SEC22A: variants seen among roughly 807,000 people sequenced by gnomAD.
SEC22A encodes vesicle-trafficking protein SEC22a.
A neutral mutation model predicts 35.3 loss-of-function variants in SEC22A; 22 were observed. That is an observed-to-expected ratio of 0.62 (90% CI 0.45 to 0.89). The LOEUF is 0.89. Among genes scored for constraint, SEC22A ranks in the 40% least tolerant of loss-of-function variants. The pLI, the probability that SEC22A is intolerant of heterozygous loss-of-function variation, is 0.00. For missense variants in SEC22A, 354 were observed against 362.5 expected, an observed-to-expected ratio of 0.98 and a Z score of 0.19; for synonymous variants, 119 against 129.5, an observed-to-expected ratio of 0.92 and a Z score of 0.55.
At chr3:123,259,667 T>G (rs1022834620) in intron 6 of SEC22A, 78 bp downstream of exon 6, 1 of 972,032 alleles carries the variant, frequency 1.0e-6, no homozygotes, top group Non-Finnish European at 1.6e-6. Context: ...TTGTGCATTT[T>G]AAATAAATTA....
chr3:123,238,188 A>G (rs926862163), intron 4 of SEC22A, among the ~76,000 whole-genome samples: 3 of 151,910 alleles, frequency 2.0e-5, no homozygotes, highest in Non-Finnish European at 4.4e-5. Flanking sequence ...CACAACTAGA[A>G]TTTATTTTAT....
rs933265136 is a variant in SEC22A at position 123,242,996 on chromosome 3, C to G, written c.542-2903C>G. ...GAGAATCTTGTTCTTCAGTGGTTCC[C>G]CATTGTCTAATTTTCCATAATTCTT... On this transcript the variant is annotated intron_variant, in intron 4 of 6. Coordinates refer to ENST00000492595, the MANE Select transcript of SEC22A (RefSeq NM_012430.5). 3.3e-5 allele frequency among the ~76,000 whole-genome samples: 5 copies of G among 152,098 alleles called. 1 individual carries two copies. In the South Asian group the frequency reaches 1.0e-3, roughly 32 times the overall value.
At chr3:123,270,603 T>C (rs1559766760) in intron 6 of SEC22A, among the ~76,000 whole-genome samples, 1 of 152,110 alleles carries the variant, frequency 6.6e-6, no homozygotes, top group Non-Finnish European at 1.5e-5. Flanking sequence ...GATAAATGAG[T>C]AAATAACAGT....
intron 1 of SEC22A, among the ~76,000 whole-genome samples, chr3:123,205,971 T>TA (rs1365180911): frequency 3.3e-5 from 5 of 152,222 alleles, no homozygotes; most frequent in African/African-American, 1.2e-4. Context: ...GCATGGATCA[T>TA]ATATTTATTG....
At chr3:123,221,470 CAA>C (rs56800842) in intron 2 of SEC22A, among the ~76,000 whole-genome samples, 13,453 of 58,882 alleles carry the variant, frequency 0.23, 284 homozygotes, top group Middle Eastern at 0.32. Context: ...GAGTCCATCT[CAA>C]AAAAAAAAAA....
At chr3:123,254,135 C>T (rs1937668639) in intron 5 of SEC22A, among the ~76,000 whole-genome samples, 1 of 151,790 alleles carries the variant, frequency 6.6e-6, no homozygotes, top group Non-Finnish European at 1.5e-5. Flanking sequence ...TAATAGTATC[C>T]TCCTAATACA....
At chr3:123,253,722 A>G (rs919883321) in intron 5 of SEC22A, among the ~76,000 whole-genome samples, 1 of 151,432 alleles carries the variant, frequency 6.6e-6, no homozygotes, top group African/African-American at 2.4e-5. Context: ...CAAAAAAAAA[A>G]AAAAAAAGAA....
At position 123,271,806 on chromosome 3, in the gene SEC22A, C is replaced by A; in HGVS notation, c.*84C>A. ...ACTGCACTGTGATGAAGAAGCTGTT[C>A]CCCACAGAGGAGAAGCTCTGCTTTC... is the stretch of plus-strand genomic sequence containing the variant. On this transcript the variant is annotated 3_prime_UTR_variant, in exon 7 of 7. Coordinates refer to ENST00000492595, the MANE Select transcript of SEC22A (RefSeq NM_012430.5). 8.8e-7 allele frequency: 1 copy of A among 1,137,344 alleles called. No individual in the cohort carries two copies. The highest frequency in any genetic ancestry group is 1.3e-6 in the Non-Finnish European group (1 of 780,468). 70.5% of individuals were successfully genotyped at this position (1,137,344 alleles called of 1,614,324 possible). A position where few individuals can be genotyped will look rare whatever the true frequency, so the allele number is the denominator to read the frequency against.
At chr3:123,215,208 A>G (rs1420062990) in intron 2 of SEC22A, among the ~76,000 whole-genome samples, 1 of 152,170 alleles carries the variant, frequency 6.6e-6, no homozygotes, top group Non-Finnish European at 1.5e-5. Context: ...CTTAAGGAAA[A>G]ATGGGTATTT....
At chr3:123,263,339 C>T (rs1247981188) in intron 6 of SEC22A, among the ~76,000 whole-genome samples, 1 of 152,218 alleles carries the variant, frequency 6.6e-6, no homozygotes, top group African/African-American at 2.4e-5. Context: ...AGTATATCCT[C>T]ACACAGAGAA....
At chr3:123,244,594 A>G (rs1937551693) in intron 4 of SEC22A, among the ~76,000 whole-genome samples, 1 of 152,202 alleles carries the variant, frequency 6.6e-6, no homozygotes, top group African/African-American at 2.4e-5. Context: ...AGAAAATGTT[A>G]TATAAGCACT....
chr3:123,263,765 A>G (rs560205645), intron 6 of SEC22A, among the ~76,000 whole-genome samples: 2 of 152,126 alleles, frequency 1.3e-5, no homozygotes, highest in Non-Finnish European at 1.5e-5. Flanking sequence ...CAGCCTCCCA[A>G]AGTGCTGGGA....
chr3:123,223,591 T>C lies in SEC22A; in HGVS notation c.215T>C (p.Met72Thr), dbSNP rs751753933. Residue 72 changes from methionine (M) to threonine (T), a missense_variant, in exon 3 of 7, where the codon ATG becomes ACG. Coordinates refer to ENST00000492595, the MANE Select transcript of SEC22A (RefSeq NM_012430.5). The stretch of plus-strand genomic sequence containing the variant: ...AGCTCTCTGGGAGTGAGCTACATGA[T>C]GTTGTGCACTGAAAATTACCCAAAT... ...FISSLGVSYMMLCTENYPNVL... is the reference protein window; with the variant it reads ...FISSLGVSYMTLCTENYPNVL... 2.5e-6 allele frequency: 4 copies of C among 1,613,734 alleles called. No individual in the cohort carries two copies. The highest frequency in any genetic ancestry group is 3.4e-6 in the Non-Finnish European group (4 of 1,179,804).
At chr3:123,259,461 G>T in intron 5 of SEC22A, 63 bp from the exon 6 acceptor site, 1 of 1,134,778 alleles carries the variant, frequency 8.8e-7, no homozygotes. Flanking sequence ...CTATCTTGAT[G>T]GATTGTTTCT....
At chr3:123,220,290 T>C (rs548025879) in intron 2 of SEC22A, among the ~76,000 whole-genome samples, 15 of 152,252 alleles carry the variant, frequency 9.9e-5, no homozygotes, top group Middle Eastern at 3.4e-3. Context: ...AGCTAGCCAA[T>C]TGGGAGTTCC....
chr3:123,236,394 C>T (rs1367723823), intron 4 of SEC22A, among the ~76,000 whole-genome samples: 2 of 151,978 alleles, frequency 1.3e-5, no homozygotes, highest in Non-Finnish European at 2.9e-5. Flanking sequence ...TATAATCTTC[C>T]TGATATCTCT....
At chr3:123,224,281 A>G (rs1277465899) in intron 3 of SEC22A, among the ~76,000 whole-genome samples, 2 of 152,024 alleles carry the variant, frequency 1.3e-5, no homozygotes, top group African/African-American at 4.8e-5. Context: ...AAAAAACACC[A>G]TGTTGTAAAT....
intron 2 of SEC22A, among the ~76,000 whole-genome samples, chr3:123,212,382 A>G (rs1044382555): frequency 2.0e-5 from 3 of 152,144 alleles, no homozygotes; most frequent in East Asian, 1.9e-4. Flanking sequence ...AAATATTTCA[A>G]TATTTTATTT....
At chr3:123,235,941 A>G (rs954948266) in intron 4 of SEC22A, among the ~76,000 whole-genome samples, 2 of 152,234 alleles carry the variant, frequency 1.3e-5, no homozygotes, top group African/African-American at 2.4e-5. Flanking sequence ...AAAGAAGTCA[A>G]TCACAAGAAG....
Sources: allele counts gnomAD v4.1 joint callset (sites outside exome capture counted in the v4.1 genomes callset), GRCh38; gene constraint gnomAD v4.1.1; transcripts MANE v1.5; gene names NCBI Gene and HGNC (gene_info 2026-07-23, HGNC 2026-07-21).